The following SFTPD variants were observed in gnomAD, a reference collection of about 807,000 sequenced individuals.
SFTPD encodes surfactant protein D.
SFTPD carries 18 observed loss-of-function variants against 34.6 expected under a neutral mutation model. The ratio of observed to expected loss-of-function variants is 0.52; its 90% confidence interval spans 0.36 to 0.77. The LOEUF (loss-of-function observed/expected upper bound fraction) is 0.77. SFTPD is among the 30% of genes least tolerant of loss of function. SFTPD has a pLI of 0.00. For missense variants in SFTPD, 433 were observed against 468.9 expected (o/e 0.92, Z 0.71); for synonymous variants, 155 against 180.9 (o/e 0.86, Z 1.15).
At chr10:79,951,276 A>G (rs944604957), upstream of SFTPD, among the ~76,000 whole-genome samples, 2 of 152,152 alleles carry the variant, frequency 1.3e-5, no homozygotes, top group Non-Finnish European at 2.9e-5. Flanking sequence ...TCGTACTTCC[A>G]GAGTGCTTAT....
intron 1 of SFTPD, among the ~76,000 whole-genome samples, chr10:79,974,473 A>G (rs1291106415): frequency 1.3e-5 from 2 of 152,166 alleles, no homozygotes; most frequent in African/African-American, 4.8e-5. Flanking sequence ...TTTATATGCC[A>G]TCAGAGATGA....
At chr10:79,938,731 G>C (rs560870608) in intron 7 of SFTPD, among the ~76,000 whole-genome samples, 1 of 152,276 alleles carries the variant, frequency 6.6e-6, no homozygotes, top group Non-Finnish European at 1.5e-5. Context: ...TGTCGGAGAG[G>C]GTCTGTGCTG....
At chr10:79,954,731 T>C (rs987488742) in intron 1 of SFTPD, among the ~76,000 whole-genome samples, 2 of 152,132 alleles carry the variant, frequency 1.3e-5, no homozygotes, top group African/African-American at 4.8e-5. Flanking sequence ...AATAAGGGAA[T>C]AGGATTTCCT....
At chr10:79,952,162 A>G (rs1224202992), upstream of SFTPD, among the ~76,000 whole-genome samples, 2 of 152,182 alleles carry the variant, frequency 1.3e-5, no homozygotes, top group South Asian at 2.1e-4. Flanking sequence ...TCTGATATTC[A>G]TCTGCATTCT....
chr10:79,980,176 A>C (rs891971541), intron 1 of SFTPD, among the ~76,000 whole-genome samples: 10 of 152,160 alleles, frequency 6.6e-5, no homozygotes, highest in African/African-American at 2.2e-4. Flanking sequence ...TGCTGGCATC[A>C]TGTGCAACCC....
chr10:79,938,881 C>T (rs1842584296), intron 7 of SFTPD, among the ~76,000 whole-genome samples: 1 of 152,126 alleles, frequency 6.6e-6, no homozygotes, highest in Non-Finnish European at 1.5e-5. Flanking sequence ...AGTCAGCCTG[C>T]CTGGGAGGTG....
upstream of SFTPD, chr10:79,950,961 T>A (rs1842706382): frequency 6.6e-6 from 1 of 152,080 alleles, no homozygotes; most frequent in South Asian, 2.1e-4. Flanking sequence ...TTCTTCTGCT[T>A]GGTCTAGTCT....
chr10:79,980,768 G>A (rs1842885949), intron 1 of SFTPD, among the ~76,000 whole-genome samples: 1 of 152,234 alleles, frequency 6.6e-6, no homozygotes, highest in Non-Finnish European at 1.5e-5. Flanking sequence ...TGAGTTTGGG[G>A]TTCCCCCTAT....
chr10:79,952,695 T>G (rs1316917506), upstream of SFTPD, among the ~76,000 whole-genome samples: 1 of 150,682 alleles, frequency 6.6e-6, no homozygotes, highest in Non-Finnish European at 1.5e-5. Context: ...ATGGAGGATC[T>G]AGTGATGCAG....
At chr10:79,977,706 C>A (rs1396235673) in intron 1 of SFTPD, among the ~76,000 whole-genome samples, 1 of 152,252 alleles carries the variant, frequency 6.6e-6, no homozygotes, top group Non-Finnish European at 1.5e-5. Flanking sequence ...TGCTTTACAA[C>A]ACAGATGTGA....
chr10:79,958,642 A>C (rs1842753926), intron 1 of SFTPD, among the ~76,000 whole-genome samples: 1 of 152,238 alleles, frequency 6.6e-6, no homozygotes, highest in Non-Finnish European at 1.5e-5. Context: ...AGATTCATAA[A>C]GCAAGTCCTT....
chr10:79,957,274 A>G (rs1448716737), intron 1 of SFTPD, among the ~76,000 whole-genome samples: 1 of 152,240 alleles, frequency 6.6e-6, no homozygotes, highest in Non-Finnish European at 1.5e-5. Flanking sequence ...GCAGCTCCTC[A>G]CCAACAACGG....
chr10:79,973,897 G>A (rs1355808426), intron 1 of SFTPD, among the ~76,000 whole-genome samples: 1 of 152,164 alleles, frequency 6.6e-6, no homozygotes, highest in African/African-American at 2.4e-5. Flanking sequence ...GTTTGTGTAT[G>A]CAGAGCACAA....
chr10:79,972,333 A>T (rs982457757), intron 1 of SFTPD: 1 of 152,240 alleles, frequency 6.6e-6, no homozygotes, highest in Non-Finnish European at 1.5e-5. Context: ...CCCCGTCTCT[A>T]CTAAAAATAC....
upstream of SFTPD, among the ~76,000 whole-genome samples, chr10:79,953,422 G>GTT (rs3084853): frequency 6.9e-6 from 1 of 144,412 alleles, no homozygotes; most frequent in Non-Finnish European, 1.5e-5. Context: ...TGACAGGTGG[G>GTT]TTTTTTTTTT....
At chr10:79,982,321 C>T in intron 1 of SFTPD, 1 of 974,178 alleles carries the variant, frequency 1.0e-6, no homozygotes, top group Non-Finnish European at 1.3e-6. Flanking sequence ...GGCACCAGCC[C>T]AGCGCCTCGG....
At chr10:79,939,895 A>G (rs539711249) in intron 7 of SFTPD, among the ~76,000 whole-genome samples, 9 of 152,214 alleles carry the variant, frequency 5.9e-5, no homozygotes, top group Non-Finnish European at 1.0e-4. Context: ...TGGAGATTCA[A>G]AAAGGCACCA....
intron 1 of SFTPD, chr10:79,968,826 C>T (rs1842818664): frequency 6.6e-6 from 1 of 152,146 alleles, no homozygotes; most frequent in African/African-American, 2.4e-5. Flanking sequence ...CTGCAGCCTT[C>T]CCGACATCAT....
At chr10:79,939,394 A>G (rs1301345084) in intron 7 of SFTPD, among the ~76,000 whole-genome samples, 1 of 152,224 alleles carries the variant, frequency 6.6e-6, no homozygotes, top group Non-Finnish European at 1.5e-5. Context: ...CAAAGTCAGC[A>G]TAAGAGTTCA....
Sources: gnomAD v4.1 joint callset for allele counts (sites outside exome capture counted in the v4.1 genomes callset) on GRCh38, gnomAD v4.1.1 for gene constraint, MANE v1.5 for transcripts, NCBI Gene and HGNC (gene_info 2026-07-23, HGNC 2026-07-21) for gene names.